The following NKAIN3 variants were observed in gnomAD, a reference collection of about 807,000 sequenced individuals.
The protein encoded by NKAIN3 is sodium/potassium transporting ATPase interacting 3.
A neutral mutation model predicts 30.2 loss-of-function variants in NKAIN3; 25 were observed. The observed-to-expected ratio is 0.83, with a 90% CI of 0.60 to 1.16. The LOEUF is 1.16. Ranked by LOEUF, NKAIN3 falls within the 50% of genes most tolerant of loss-of-function variation. The pLI is 0.00. For synonymous variants in NKAIN3, 91 were observed against 89.6 expected, an observed-to-expected ratio of 1.02 and a Z score of -0.09; for missense variants, 225 against 254.1, an observed-to-expected ratio of 0.89 and a Z score of 0.78.
chr8:62,744,851 T>A (rs568685079), intron 3 of NKAIN3, among the ~76,000 whole-genome samples: 1 of 152,336 alleles, frequency 6.6e-6, no homozygotes, highest in Admixed American at 6.5e-5. Context: ...AATAAAGTGC[T>A]ACAACTGTGA....
At chr8:62,827,605 T>C (rs182346373) in intron 4 of NKAIN3, among the ~76,000 whole-genome samples, 30 of 152,282 alleles carry the variant, frequency 2.0e-4, no homozygotes, top group African/African-American at 7.2e-4. Context: ...TGACACCTGC[T>C]CCCAAGTCCA....
intron 2 of NKAIN3, among the ~76,000 whole-genome samples, chr8:62,585,488 C>T (rs950097353): frequency 2.0e-5 from 3 of 152,104 alleles, no homozygotes; most frequent in African/African-American, 7.2e-5. Context: ...TTTTTGACAC[C>T]AGGAACTCAT....
At chr8:62,851,277 G>C (rs1470770485) in intron 4 of NKAIN3, among the ~76,000 whole-genome samples, 1 of 152,154 alleles carries the variant, frequency 6.6e-6, no homozygotes, top group Non-Finnish European at 1.5e-5. Context: ...TGGTGTATAA[G>C]AATGCTTCTG....
chr8:62,822,429 G>A (rs562456271), intron 4 of NKAIN3, among the ~76,000 whole-genome samples: 1 of 152,240 alleles, frequency 6.6e-6, no homozygotes, highest in South Asian at 2.1e-4. Context: ...TGACCCGCAT[G>A]TACATAACAT....
intron 6 of NKAIN3, among the ~76,000 whole-genome samples, chr8:62,963,050 C>T (rs1034178899): frequency 1.3e-5 from 2 of 152,052 alleles, no homozygotes; most frequent in Non-Finnish European, 2.9e-5. Flanking sequence ...TGCTACCACG[C>T]CTGGCTAATT....
chr8:62,610,687 T>A (rs1811261083), intron 3 of NKAIN3, among the ~76,000 whole-genome samples: 2 of 152,150 alleles, frequency 1.3e-5, no homozygotes, highest in African/African-American at 4.8e-5. Flanking sequence ...TCAACTAGCC[T>A]TTTTCTTTCT....
At chr8:62,905,746 C>G (rs1296615753) in intron 4 of NKAIN3, among the ~76,000 whole-genome samples, 1 of 152,042 alleles carries the variant, frequency 6.6e-6, no homozygotes, top group Non-Finnish European at 1.5e-5. Flanking sequence ...ATTTCTGTAC[C>G]CCTCATACTT....
chr8:62,665,871 G>A (rs548815703), intron 3 of NKAIN3, among the ~76,000 whole-genome samples: 43 of 152,248 alleles, frequency 2.8e-4, no homozygotes, highest in African/African-American at 8.9e-4. Flanking sequence ...TCTTTCAAAC[G>A]TTTAACCATC....
chr8:62,729,030 AAAAAAAAAAC>A (rs1563534880), intron 3 of NKAIN3, among the ~76,000 whole-genome samples: 20 of 114,622 alleles, frequency 1.7e-4, no homozygotes, highest in African/African-American at 4.1e-4. Flanking sequence ...AAACCAAAAA[AAAAAAAAAAC>A]AAAAAAAAAA....
At position 62,481,640 on chromosome 8, in the gene NKAIN3, T is replaced by C. The variant is rs143305803; in HGVS notation, c.55-97899T>C. 2.1e-3 allele frequency among the ~76,000 whole-genome samples: 320 copies of C among 152,296 alleles called. 1 individual carries two copies. Among genetic ancestry groups the C allele is most frequent in the African/African-American group, 7.2e-3 (299 of 41,550 alleles). ...TTAAACTAAAAAAGGATGAAATTGA[T>C]AGGAAACCTTTACAAAAGGTCATCT... On this transcript the variant is annotated intron_variant, in intron 1 of 6. Transcript: ENST00000623646.
rs923161101 is a variant in NKAIN3, at chr8:62,248,975, T to TGGGCC, written c.-89_-85dup. On this transcript the variant is annotated 5_prime_UTR_variant, in exon 1 of 7. Coordinates refer to ENST00000623646, the MANE Select transcript of NKAIN3 (RefSeq NM_001304533.3). ...GCGGCGGCCGCGGGGCCGAGGAGCC[T>TGGGCC]GGGCCGGGCCGGGCGGGGACTACTC... The TGGGCC allele has an allele frequency of 1.9e-5, 22 of 1,167,662 alleles. No homozygotes were observed. Among genetic ancestry groups the TGGGCC allele is most frequent in the Non-Finnish European group, 2.5e-5 (21 of 832,362 alleles). 72.3% of individuals were successfully genotyped at this position (1,167,662 alleles called of 1,614,324 possible).
At chr8:62,687,802 C>T (rs1479300627) in intron 3 of NKAIN3, among the ~76,000 whole-genome samples, 1 of 152,208 alleles carries the variant, frequency 6.6e-6, no homozygotes, top group Non-Finnish European at 1.5e-5. Context: ...GTCTGTGTCC[C>T]TAAGCTTTCA....
intron 4 of NKAIN3, among the ~76,000 whole-genome samples, chr8:62,904,654 T>C (rs1226142088): frequency 6.6e-6 from 1 of 152,214 alleles, no homozygotes; most frequent in Non-Finnish European, 1.5e-5. Context: ...CTGAAATTCA[T>C]CCACTGTATT....
At chr8:62,714,608 AAGAT>A (rs1340475487) in intron 3 of NKAIN3, among the ~76,000 whole-genome samples, 2 of 152,216 alleles carry the variant, frequency 1.3e-5, no homozygotes, top group Non-Finnish European at 1.5e-5. Flanking sequence ...ATAAAAGAAT[AAGAT>A]AGTCATGTTA....
intron 4 of NKAIN3, among the ~76,000 whole-genome samples, chr8:62,851,271 G>T (rs2130774476): frequency 6.6e-6 from 1 of 152,254 alleles, no homozygotes; most frequent in Non-Finnish European, 1.5e-5. Context: ...TGTTATTGGT[G>T]TATAAGAATG....
chr8:62,731,712 G>A (rs994943574), intron 3 of NKAIN3, among the ~76,000 whole-genome samples: 1 of 152,106 alleles, frequency 6.6e-6, no homozygotes, highest in African/African-American at 2.4e-5. Flanking sequence ...GCCCTTTGGT[G>A]GGGAGGAGGA....
chr8:62,269,893 G>A (rs148736895), intron 1 of NKAIN3, among the ~76,000 whole-genome samples: 170 of 152,120 alleles, frequency 1.1e-3, no homozygotes, highest in African/African-American at 3.8e-3. Flanking sequence ...ACAAAACATG[G>A]GGTATAATAA....
chr8:62,924,529 G>A (rs928568748), intron 5 of NKAIN3, among the ~76,000 whole-genome samples: 2 of 152,146 alleles, frequency 1.3e-5, no homozygotes, highest in Non-Finnish European at 2.9e-5. Flanking sequence ...GGCAGAGATC[G>A]GGGAGAAGGT....
chr8:62,342,235 C>CAAAAAAAAAAAAAAA (rs3058285), intron 1 of NKAIN3, among the ~76,000 whole-genome samples: 12 of 124,770 alleles, frequency 9.6e-5, no homozygotes, highest in African/African-American at 3.5e-4. Flanking sequence ...ACCACTGAAC[C>CAAAAAAAAAAAAAAA]AAAAAAAAAA....
Sources: allele counts gnomAD v4.1 joint callset (sites outside exome capture counted in the v4.1 genomes callset), GRCh38; gene constraint gnomAD v4.1.1; transcripts MANE v1.5; gene names NCBI Gene and HGNC (gene_info 2026-07-23, HGNC 2026-07-21).